The following SLC7A2 variants were observed in gnomAD, a reference collection of about 807,000 sequenced individuals.
SLC7A2 encodes the protein cationic amino acid transporter 2.
In SLC7A2, 48 loss-of-function variants were observed where a neutral mutation model predicts 58.9. The observed-to-expected ratio is 0.82, with a 90% confidence interval of 0.65 to 1.04. SLC7A2 has a LOEUF of 1.04. Among genes scored for constraint, SLC7A2 ranks in the 50% least tolerant of loss-of-function variants. SLC7A2 has a pLI of 0.00. For missense variants in SLC7A2, 1,029 were observed against 818.8 expected (o/e 1.26, Z -3.13); for synonymous variants, 363 against 314.5 (o/e 1.15, Z -1.63).
intron 4 of SLC7A2, 151 bp from the exon 5 acceptor site, chr8:17,548,527 A>G (rs1802285279): frequency 3.5e-6 from 2 of 574,570 alleles, no homozygotes; most frequent in Admixed American, 6.6e-5. Context: ...TAGGTAATTA[A>G]CTAATGAGTA....
chr8:17,558,258 G>C (rs749286885), intron 8 of SLC7A2, 37 bp from the exon 9 acceptor site: 8 of 1,341,876 alleles, frequency 6.0e-6, no homozygotes, highest in Non-Finnish European at 8.6e-6. Flanking sequence ...TTTCCTCCTG[G>C]GCCGTTTACT....
intron 2 of SLC7A2, among the ~76,000 whole-genome samples, chr8:17,541,433 G>A (rs567554984): frequency 6.6e-6 from 1 of 152,332 alleles, no homozygotes; most frequent in African/African-American, 2.4e-5. Flanking sequence ...ATAAGCATTT[G>A]TGAAGTGCCA....
In SLC7A2 at chr8:17,548,876, C is replaced by T. The variant is rs60643310; in HGVS notation, c.698+33C>T. 9,577 of 1,552,516 alleles carry T rather than the reference C, an allele frequency of 6.2e-3. 520 individuals carry two copies. The African/African-American group carries it at 0.12, about 19-fold the overall frequency. On this transcript the variant is annotated intron_variant, in intron 5 of 12. Transcript: ENST00000494857. ...ATTTGAGGTTTTTTTTTTTCTCCTT[C>T]TTGTTTAAGAAAATATTTTAAGTGG...
At chr8:17,500,873 C>T (rs1466645179) in intron 1 of SLC7A2, among the ~76,000 whole-genome samples, 3 of 151,772 alleles carry the variant, frequency 2.0e-5, no homozygotes, top group Non-Finnish European at 2.9e-5. Flanking sequence ...AGTTCATTTC[C>T]ATCAGGCTTC....
intron 2 of SLC7A2, chr8:17,538,875 G>C: frequency 6.2e-7 from 1 of 1,613,806 alleles, no homozygotes; most frequent in Non-Finnish European, 8.5e-7. Flanking sequence ...TTTGTCGAGG[G>C]TTTATTGGAA....
chr8:17,564,214 G>A (rs1157694617), intron 12 of SLC7A2, among the ~76,000 whole-genome samples: 2 of 152,126 alleles, frequency 1.3e-5, no homozygotes, highest in Admixed American at 6.6e-5. Flanking sequence ...CAAAATATCT[G>A]ATCTTGACTC....
chr8:17,505,534 G>A (rs1800330643), intron 2 of SLC7A2, among the ~76,000 whole-genome samples: 1 of 152,134 alleles, frequency 6.6e-6, no homozygotes. Flanking sequence ...TGACTTCAGT[G>A]ATCTCCAGCC....
chr8:17,506,946 ATTT>A (rs34439439), intron 2 of SLC7A2, among the ~76,000 whole-genome samples: 3 of 140,038 alleles, frequency 2.1e-5, no homozygotes, highest in East Asian at 2.1e-4. Flanking sequence ...TATTTGTGGA[ATTT>A]TTTTTTTTTT....
At chr8:17,495,390 G>T (rs1252849058), upstream of SLC7A2, among the ~76,000 whole-genome samples, 1 of 152,104 alleles carries the variant, frequency 6.6e-6, no homozygotes, top group Non-Finnish European at 1.5e-5. Flanking sequence ...AAGTCCACAC[G>T]CATCATTTCC....
chr8:17,496,003 A>G (rs1299520223), upstream of SLC7A2, among the ~76,000 whole-genome samples: 2 of 152,248 alleles, frequency 1.3e-5, no homozygotes, highest in African/African-American at 2.4e-5. Context: ...AGAATATCAC[A>G]TTAAAATTGT....
At chr8:17,545,215 T>G (rs1802105741) in intron 4 of SLC7A2, among the ~76,000 whole-genome samples, 1 of 152,048 alleles carries the variant, frequency 6.6e-6, no homozygotes, top group African/African-American at 2.4e-5. Flanking sequence ...TCACTCTGCT[T>G]TAGAACATAG....
chr8:17,561,201 G>A (rs1244223095), intron 10 of SLC7A2, among the ~76,000 whole-genome samples: 1 of 152,190 alleles, frequency 6.6e-6, no homozygotes, highest in Non-Finnish European at 1.5e-5. Context: ...GTCTGTATTA[G>A]TCTGTTCTCA....
intron 1 of SLC7A2, chr8:17,498,521 ATC>A (rs1800035912): frequency 6.6e-6 from 1 of 152,192 alleles, no homozygotes; most frequent in East Asian, 1.9e-4. Flanking sequence ...ACATGAAATG[ATC>A]TCTCAGTGCA....
intron 2 of SLC7A2, among the ~76,000 whole-genome samples, chr8:17,530,827 C>CT (rs1465079406): frequency 6.6e-6 from 1 of 151,984 alleles, no homozygotes; most frequent in Non-Finnish European, 1.5e-5. Flanking sequence ...CTGCCTTGGC[C>CT]CCCCAAAGTG....
intron 1 of SLC7A2, among the ~76,000 whole-genome samples, chr8:17,499,552 T>G (rs1435087658): frequency 6.6e-6 from 1 of 150,568 alleles, no homozygotes; most frequent in Non-Finnish European, 1.5e-5. Context: ...CATGTAGATA[T>G]GAACACACTG....
chr8:17,499,629 G>A (rs1205630511), intron 1 of SLC7A2, among the ~76,000 whole-genome samples: 1 of 150,886 alleles, frequency 6.6e-6, no homozygotes, highest in African/African-American at 2.4e-5. Context: ...AAAGCTTTCA[G>A]TGGAATATAT....
upstream of SLC7A2, among the ~76,000 whole-genome samples, chr8:17,496,235 T>C (rs957427548): frequency 6.6e-6 from 1 of 152,068 alleles, no homozygotes. Flanking sequence ...GGCGGGAGGA[T>C]AGCTTGAGCC....
At chr8:17,510,797 C>G (rs1800572892) in intron 2 of SLC7A2, 1 of 152,178 alleles carries the variant, frequency 6.6e-6, no homozygotes, top group South Asian at 2.1e-4. Context: ...AAAACACATC[C>G]AAACCCATGT....
At position 17,531,726 on chromosome 8, in the gene SLC7A2, GT is replaced by G. The variant is rs1247664863; in HGVS notation, c.-22-11583del. On this transcript the variant is annotated intron_variant, in intron 2 of 12. Transcript: ENST00000494857. The stretch of plus-strand genomic sequence containing the variant: ...ATAGACTAATATGATTATTTTAAGG[GT>G]TTTTTTTTCTACTTATCAGGGAAAT... Among the ~76,000 whole-genome samples the G allele has an allele frequency of 6.0e-5, 9 of 150,526 alleles. No individual in the cohort carries two copies. In the South Asian group the frequency reaches 8.4e-4, roughly 14 times the overall value.
Sources: allele counts gnomAD v4.1 joint callset (sites outside exome capture counted in the v4.1 genomes callset), GRCh38; gene constraint gnomAD v4.1.1; transcripts MANE v1.5; gene names NCBI Gene and HGNC (gene_info 2026-07-23, HGNC 2026-07-21).